Variants in KDM1B observed in about 807,000 individuals in gnomAD.
KDM1B encodes lysine-specific histone demethylase 2.
In KDM1B, 63 loss-of-function variants were observed where a neutral mutation model predicts 107.4. The observed-to-expected ratio is 0.59, with a 90% confidence interval of 0.48 to 0.72. KDM1B has a LOEUF of 0.72. KDM1B is among the 30% of genes least tolerant of loss of function. The probability of loss-of-function intolerance (pLI) is 0.00; values close to 1 mark genes in which losing one functional copy is unlikely to be tolerated. For missense variants in KDM1B, 749 were observed against 1,020.8 expected (o/e 0.73, Z 3.63); for synonymous variants, 363 against 363.9 (o/e 1.00, Z 0.03).
chr6:18,203,401 T>C lies in KDM1B; in HGVS notation c.1531+1744T>C, dbSNP rs1038304600. Among the ~76,000 whole-genome samples the C allele has an allele frequency of 3.3e-4, 50 of 152,326 alleles. No individual in the cohort carries two copies. The highest frequency in any genetic ancestry group is 3.4e-3 in the Middle Eastern group (1 of 294). ...TTTGATAGTAGTGCACACATCTCTGTGTAAGGCTATAGTTATATCCTGCCT... is the reference window on the plus strand; with the variant it reads ...TTTGATAGTAGTGCACACATCTCTGCGTAAGGCTATAGTTATATCCTGCCT... On this transcript the variant is annotated intron_variant, in intron 14 of 21. Coordinates refer to ENST00000650836, the MANE Select transcript of KDM1B (RefSeq NM_001364614.2). The surrounding 1 kb of genome is among the most constrained non-coding windows in gnomAD (Gnocchi z 5.5).
chr6:18,164,277 A>G (rs1339347255), intron 5 of KDM1B, among the ~76,000 whole-genome samples: 1 of 151,712 alleles, frequency 6.6e-6, no homozygotes. Context: ...ACAGGCGTGC[A>G]CTACCGCACC....
chr6:18,206,151 C>T (rs988166517), intron 15 of KDM1B, among the ~76,000 whole-genome samples: 15 of 143,874 alleles, frequency 1.0e-4, no homozygotes, highest in African/African-American at 3.9e-4. Flanking sequence ...GTTTTTTAAA[C>T]TTTTTTTTTT....
In KDM1B at chr6:18,197,746, AT is replaced by A; in HGVS notation, c.1221+90del. On this transcript the variant is annotated intron_variant, in intron 12 of 21. Coordinates refer to ENST00000650836, the MANE Select transcript of KDM1B (RefSeq NM_001364614.2). This position sits in a 1 kb window ranked among gnomAD's most constrained non-coding sequence, Gnocchi z 4.5. ...TTCTAAGATTTAGAAACCAGTTCCTATTTTTAGTGAAGAATACTAAATACAT... is the reference window on the plus strand; with the variant it reads ...TTCTAAGATTTAGAAACCAGTTCCTATTTTAGTGAAGAATACTAAATACAT... The A allele has an allele frequency of 2.2e-6, 2 of 893,464 alleles. No homozygotes were observed. The highest frequency in any genetic ancestry group is 3.5e-6 in the Non-Finnish European group (2 of 563,906). The allele number at this position is 893,464 out of a possible 1,614,324, so 55.3% of individuals were successfully genotyped here.
intron 21 of KDM1B, among the ~76,000 whole-genome samples, chr6:18,218,954 G>C (rs1210660315): frequency 6.6e-6 from 1 of 151,872 alleles, no homozygotes; most frequent in Non-Finnish European, 1.5e-5. Context: ...CCATGCTGGA[G>C]TGCAGTGGCA....
intron 7 of KDM1B, among the ~76,000 whole-genome samples, chr6:18,184,863 G>A (rs9477657): frequency 0.035 from 5,139 of 144,800 alleles, 276 homozygotes; most frequent in African/African-American, 0.12. Context: ...AGCCTCCCGA[G>A]TAGTTGGAAG....
chr6:18,187,824 C>T lies in KDM1B; in HGVS notation c.606C>T (p.Tyr202=). ...RVLEVSNHWW[Y]SMLILPPLLK... The stretch of plus-strand genomic sequence containing the variant: ...TGGAAGTTTCCAACCATTGGTGGTA[C>T]TCTATGCTCATCCTACCTCCTTTGC... The change falls in exon 9 of 22, where the codon TAC becomes TAT. Residue 202 remains tyrosine (Y), a synonymous_variant. Transcript: ENST00000650836. 3 of 1,550,348 alleles carry T rather than the reference C, an allele frequency of 1.9e-6. No individual in the cohort carries two copies. The highest frequency in any genetic ancestry group is 2.6e-6 in the Non-Finnish European group (3 of 1,146,816).
At chr6:18,217,329 A>C (rs995889540) in intron 20 of KDM1B, among the ~76,000 whole-genome samples, 1 of 152,060 alleles carries the variant, frequency 6.6e-6, no homozygotes, top group Non-Finnish European at 1.5e-5. Context: ...TCAGGTCCTA[A>C]ACAGGGGGCA....
chr6:18,217,684 C>T (rs1398086797), intron 20 of KDM1B, 49 bp from the exon 21 acceptor site: 1 of 1,556,202 alleles, frequency 6.4e-7, no homozygotes, highest in Admixed American at 1.7e-5. Context: ...GCCCTGCCAT[C>T]TACATCCCTT....
At chr6:18,216,128 G>A (rs1196039162) in intron 20 of KDM1B, among the ~76,000 whole-genome samples, 1 of 152,162 alleles carries the variant, frequency 6.6e-6, no homozygotes, top group Non-Finnish European at 1.5e-5. Flanking sequence ...CGCCCAGGCT[G>A]GAGTGCAGTG....
At chr6:18,185,484 T>C (rs1278035559) in intron 7 of KDM1B, among the ~76,000 whole-genome samples, 2 of 152,180 alleles carry the variant, frequency 1.3e-5, no homozygotes, top group Non-Finnish European at 2.9e-5. Context: ...ATATTTTTAG[T>C]AGAGACAGTT....
In KDM1B at chr6:18,165,981, T is replaced by G. The variant is rs112477705; in HGVS notation, c.306-286T>G. On this transcript the variant is annotated intron_variant, in intron 5 of 21. Transcript: ENST00000650836. The stretch of plus-strand genomic sequence containing the variant: ...TGTGAACAGTCACTGTACTCCAGCC[T>G]GAGCAACATAGCAACACCCTGTATC... Among the ~76,000 whole-genome samples, 1,206 of 152,260 alleles carry G rather than the reference T, an allele frequency of 7.9e-3. 19 individuals are homozygous for G. Among genetic ancestry groups the G allele is most frequent in the African/African-American group, 0.028 (1,150 of 41,522 alleles).
intron 7 of KDM1B, among the ~76,000 whole-genome samples, chr6:18,175,122 C>G (rs529693415): frequency 6.6e-6 from 1 of 152,314 alleles, no homozygotes; most frequent in Non-Finnish European, 1.5e-5. Context: ...GAAATGTTCC[C>G]TGTTCACTGC....
intron 4 of KDM1B, among the ~76,000 whole-genome samples, chr6:18,161,728 G>A (rs1784983883): frequency 6.6e-6 from 1 of 152,098 alleles, no homozygotes; most frequent in Admixed American, 6.6e-5. Flanking sequence ...CTCTCCAAGG[G>A]TTGAGGGTGG....
chr6:18,222,397 A>G lies in KDM1B; in HGVS notation c.*405A>G. 3.3e-6 allele frequency: 1 copy of G among 304,794 alleles called. No homozygotes were observed. The highest frequency in any genetic ancestry group is 6.4e-6 in the Non-Finnish European group (1 of 156,086). The allele number at this position is 304,794 out of a possible 1,614,324, so 18.9% of individuals were successfully genotyped here. ...AATCATTTAAAAACCAGATAAAGCC[A>G]TGTTTTTCTTCTGTGACAATTTATC... On this transcript the variant is annotated 3_prime_UTR_variant, in exon 22 of 22. Transcript: ENST00000650836.
At chr6:18,217,962 T>C in intron 21 of KDM1B, 77 bp downstream of exon 21, 1 of 1,469,872 alleles carries the variant, frequency 6.8e-7, no homozygotes. Flanking sequence ...CTGCCCAGAG[T>C]TTAAAAACCA....
rs945699042 is a variant in KDM1B, at chr6:18,201,919, T to G, written c.1531+262T>G. On this transcript the variant is annotated intron_variant, in intron 14 of 21. Coordinates refer to ENST00000650836, the MANE Select transcript of KDM1B (RefSeq NM_001364614.2). This position sits in a 1 kb window ranked among gnomAD's most constrained non-coding sequence, Gnocchi z 4.3. ...CTGGTGTTTTACAAAATTACCTACG[T>G]GTTTAATTTTAAATTTCCCAGAGTA... 3.9e-5 allele frequency among the ~76,000 whole-genome samples: 6 copies of G among 152,170 alleles called. No individual in the cohort carries two copies. The highest frequency in any genetic ancestry group is 5.9e-5 in the Non-Finnish European group (4 of 68,028).
At chr6:18,189,321 G>T (rs776482773) in intron 9 of KDM1B, among the ~76,000 whole-genome samples, 3 of 152,174 alleles carry the variant, frequency 2.0e-5, no homozygotes, top group Non-Finnish European at 2.9e-5. Context: ...GGTTAATGAA[G>T]ATGCGATGAA....
At chr6:18,179,837 TTG>T (rs1786312161) in intron 7 of KDM1B, among the ~76,000 whole-genome samples, 1 of 38,494 alleles carries the variant, frequency 2.6e-5, no homozygotes, top group African/African-American at 8.6e-5. Context: ...CAATTTAGCA[TTG>T]GTTTTTTTTC....
chr6:18,217,681 C>T, intron 20 of KDM1B, 52 bp from the exon 21 acceptor site: 2 of 1,520,216 alleles, frequency 1.3e-6, no homozygotes, highest in Non-Finnish European at 1.8e-6. Flanking sequence ...TGCGCCCTGC[C>T]ATCTACATCC....
Sources: gnomAD v4.1 joint callset for allele counts (sites outside exome capture counted in the v4.1 genomes callset) on GRCh38, gnomAD v4.1.1 for gene constraint, Gnocchi (gnomAD v3.1) non-coding constraint, MANE v1.5 for transcripts, NCBI Gene and HGNC (gene_info 2026-07-23, HGNC 2026-07-21) for gene names.